Variants in EPHB1 observed in about 807,000 individuals in gnomAD.
The protein encoded by EPHB1 is ephrin type-B receptor 1.
A neutral mutation model predicts 94.4 loss-of-function variants in EPHB1; 30 were observed. That is an observed-to-expected ratio of 0.32 (90% CI 0.24 to 0.43). EPHB1 has a LOEUF of 0.43. EPHB1 is among the 20% of genes least tolerant of loss of function. The probability of loss-of-function intolerance (pLI) is 1.00; values close to 1 mark genes in which losing one functional copy is unlikely to be tolerated. For synonymous variants in EPHB1, 522 were observed against 489.1 expected (o/e 1.07, Z -0.89); for missense variants, 1,055 against 1,308.3 (o/e 0.81, Z 2.99).
intron 3 of EPHB1, among the ~76,000 whole-genome samples, chr3:135,039,243 G>T (rs553491885): frequency 6.6e-6 from 1 of 152,154 alleles, no homozygotes; most frequent in Non-Finnish European, 1.5e-5. Flanking sequence ...AGAGAGTGTC[G>T]ATTGGTGCAC....
At chr3:134,862,504 A>G (rs2037288064) in intron 1 of EPHB1, among the ~76,000 whole-genome samples, 1 of 151,968 alleles carries the variant, frequency 6.6e-6, no homozygotes, top group Admixed American at 6.6e-5. Context: ...AAGCTCAAAA[A>G]AAAAAAAAAG....
At chr3:134,986,129 A>G (rs1403352433) in intron 3 of EPHB1, among the ~76,000 whole-genome samples, 1 of 152,236 alleles carries the variant, frequency 6.6e-6, no homozygotes, top group Non-Finnish European at 1.5e-5. Flanking sequence ...TCAGGATGTG[A>G]TAGCTCAGAT....
intron 5 of EPHB1, among the ~76,000 whole-genome samples, chr3:135,152,897 G>A (rs1454041049): frequency 6.6e-6 from 1 of 152,170 alleles, no homozygotes; most frequent in Non-Finnish European, 1.5e-5. Context: ...GCCACCACAA[G>A]GTCTCTAATG....
At chr3:135,190,242 C>T (rs1335813734) in intron 10 of EPHB1, among the ~76,000 whole-genome samples, 1 of 152,212 alleles carries the variant, frequency 6.6e-6, no homozygotes, top group Non-Finnish European at 1.5e-5. Flanking sequence ...AAGTGCCTAG[C>T]ACAGTTCCTG....
At position 134,816,257 on chromosome 3, in the gene EPHB1, G is replaced by GT. The variant is rs369724571; in HGVS notation, c.58+20576dup. ...ACCACCACAGCCAGCTAATTTTTTT[G>GT]TTTTTTTTGTATTTTTAGTAGAGAC... is the stretch of plus-strand genomic sequence containing the variant. On this transcript the variant is annotated intron_variant, in intron 1 of 15. Coordinates refer to ENST00000398015, the MANE Select transcript of EPHB1 (RefSeq NM_004441.5). Among the ~76,000 whole-genome samples the GT allele has an allele frequency of 7.0e-3, 1,056 of 150,848 alleles. 8 individuals carry two copies. Among genetic ancestry groups the GT allele is most frequent in the African/African-American group, 0.02 (836 of 41,102 alleles).
At chr3:134,968,057 T>C (rs995448442) in intron 3 of EPHB1, among the ~76,000 whole-genome samples, 1 of 152,198 alleles carries the variant, frequency 6.6e-6, no homozygotes, top group Non-Finnish European at 1.5e-5. Flanking sequence ...GAAAAAGCTG[T>C]AGAGAAAACA....
At chr3:134,953,953 C>T (rs980072559) in intron 3 of EPHB1, among the ~76,000 whole-genome samples, 2 of 152,220 alleles carry the variant, frequency 1.3e-5, no homozygotes, top group African/African-American at 4.8e-5. Flanking sequence ...TTTTGTTGGA[C>T]ATTTCTAATC....
At chr3:134,797,145 G>T (rs531981293) in intron 1 of EPHB1, among the ~76,000 whole-genome samples, 19 of 152,182 alleles carry the variant, frequency 1.2e-4, no homozygotes, top group Non-Finnish European at 2.8e-4. Flanking sequence ...TCCGAAGGTG[G>T]CTTTTTGTCT....
chr3:135,206,105 A>G (rs974200370), intron 12 of EPHB1, among the ~76,000 whole-genome samples: 2 of 152,206 alleles, frequency 1.3e-5, no homozygotes, highest in African/African-American at 4.8e-5. Flanking sequence ...TTATAACTTC[A>G]TATAAGTGGA....
At chr3:135,125,354 T>G (rs1940156566) in intron 4 of EPHB1, among the ~76,000 whole-genome samples, 1 of 150,440 alleles carries the variant, frequency 6.6e-6, no homozygotes, top group South Asian at 2.1e-4. Flanking sequence ...GAGAACTCAG[T>G]GAAAGGGACA....
intron 12 of EPHB1, among the ~76,000 whole-genome samples, chr3:135,239,208 G>A (rs1221073723): frequency 6.6e-6 from 1 of 152,290 alleles, no homozygotes; most frequent in Non-Finnish European, 1.5e-5. Flanking sequence ...TGTGCCTGGG[G>A]AGGTCCAGCC....
At chr3:135,034,210 CA>C (rs1485288483) in intron 3 of EPHB1, among the ~76,000 whole-genome samples, 3 of 152,190 alleles carry the variant, frequency 2.0e-5, no homozygotes, top group African/African-American at 4.8e-5. Context: ...ACCAGAGAAA[CA>C]GGGGGCATCC....
At chr3:134,949,396 C>T (rs957762312) in intron 2 of EPHB1, among the ~76,000 whole-genome samples, 65 of 149,152 alleles carry the variant, frequency 4.4e-4, no homozygotes, top group Non-Finnish European at 8.6e-4. Flanking sequence ...AGGGCCAGCT[C>T]TCAATGTGCC....
intron 1 of EPHB1, among the ~76,000 whole-genome samples, chr3:134,909,504 G>C (rs2038408914): frequency 6.6e-6 from 1 of 152,224 alleles, no homozygotes; most frequent in African/African-American, 2.4e-5. Flanking sequence ...GCCAGGCCCA[G>C]ACTTAGGGCC....
intron 3 of EPHB1, among the ~76,000 whole-genome samples, chr3:135,001,263 A>G (rs559309109): frequency 3.3e-5 from 5 of 152,252 alleles, no homozygotes; most frequent in African/African-American, 1.2e-4. Flanking sequence ...GGAAGAAAAG[A>G]AGAAATGGGG....
At chr3:135,079,689 A>C (rs1292788883) in intron 3 of EPHB1, among the ~76,000 whole-genome samples, 1 of 152,048 alleles carries the variant, frequency 6.6e-6, no homozygotes, top group African/African-American at 2.4e-5. Flanking sequence ...CTCGTTATGG[A>C]AATTACAAAA....
intron 1 of EPHB1, among the ~76,000 whole-genome samples, chr3:134,886,983 T>C (rs1399934998): frequency 1.3e-5 from 2 of 152,146 alleles, no homozygotes; most frequent in African/African-American, 2.4e-5. Flanking sequence ...AAATTGGAGA[T>C]ATATAATCAT....
chr3:135,078,278 C>T (rs1042564623), intron 3 of EPHB1, among the ~76,000 whole-genome samples: 1 of 152,152 alleles, frequency 6.6e-6, no homozygotes, highest in Non-Finnish European at 1.5e-5. Flanking sequence ...TATCTCCTCC[C>T]TCAGAAGAGA....
intron 3 of EPHB1, among the ~76,000 whole-genome samples, chr3:134,960,868 G>T (rs1933490188): frequency 6.6e-6 from 1 of 152,156 alleles, no homozygotes; most frequent in African/African-American, 2.4e-5. Context: ...TTGGTTTCTG[G>T]CTTTTCCCTG....
Sources: allele counts gnomAD v4.1 joint callset (sites outside exome capture counted in the v4.1 genomes callset), GRCh38; gene constraint gnomAD v4.1.1; transcripts MANE v1.5; gene names NCBI Gene and HGNC (gene_info 2026-07-23, HGNC 2026-07-21).